Variants in RGS6 observed in about 807,000 individuals in gnomAD.
The protein encoded by RGS6 is regulator of G protein signaling 6.
RGS6 carries 30 observed loss-of-function variants against 78.5 expected under a neutral mutation model. That is an observed-to-expected ratio of 0.38 (90% CI 0.29 to 0.52). The LOEUF is 0.52. RGS6 is among the 20% of genes least tolerant of loss of function. The pLI, the probability that RGS6 is intolerant of heterozygous loss-of-function variation, is 0.85. For missense variants in RGS6, 495 were observed against 609.7 expected, an observed-to-expected ratio of 0.81 and a Z score of 1.98; for synonymous variants, 206 against 206.0, an observed-to-expected ratio of 1.00 and a Z score of 0.00.
intron 2 of RGS6, among the ~76,000 whole-genome samples, chr14:72,168,588 T>C (rs960805150): frequency 6.6e-6 from 1 of 152,198 alleles, no homozygotes; most frequent in Admixed American, 6.5e-5. Context: ...CACGGTAGTG[T>C]TTTGGATATA....
At chr14:72,355,590 A>G (rs1329979688) in intron 3 of RGS6, among the ~76,000 whole-genome samples, 2 of 152,238 alleles carry the variant, frequency 1.3e-5, no homozygotes, top group East Asian at 3.8e-4. Flanking sequence ...GAAACAGATA[A>G]AAAGTTCTAC....
chr14:72,318,106 C>G (rs4903011), intron 2 of RGS6, among the ~76,000 whole-genome samples: 8,379 of 152,256 alleles, frequency 0.055, 357 homozygotes, highest in East Asian at 0.27. Flanking sequence ...AACCAGAATT[C>G]AGCAGCGTGG....
At chr14:72,118,047 A>G (rs1370279889) in intron 2 of RGS6, among the ~76,000 whole-genome samples, 1 of 152,126 alleles carries the variant, frequency 6.6e-6, no homozygotes. Flanking sequence ...GCTTGAAAAT[A>G]TGGCACCATT....
the RGS6 span, among the ~76,000 whole-genome samples, chr14:71,883,495 C>T: frequency 0.099 from 15,130 of 152,154 alleles, 1,702 homozygotes; most frequent in African/African-American, 0.26. Flanking sequence ...CAGTGTGGCC[C>T]GGCCTTTGTC....
chr14:72,590,436 G>A, the RGS6 span, among the ~76,000 whole-genome samples: 1 of 152,208 alleles, frequency 6.6e-6, no homozygotes, highest in Non-Finnish European at 1.5e-5. Flanking sequence ...CGTTCATATA[G>A]TGGGATGTTA....
At chr14:72,360,210 C>A (rs1379804114) in intron 3 of RGS6, among the ~76,000 whole-genome samples, 3 of 151,978 alleles carry the variant, frequency 2.0e-5, no homozygotes, top group Non-Finnish European at 2.9e-5. Flanking sequence ...GAAACACATA[C>A]AATTTATTCA....
At chr14:72,305,338 G>T (rs533485991) in intron 2 of RGS6, among the ~76,000 whole-genome samples, 4 of 152,126 alleles carry the variant, frequency 2.6e-5, no homozygotes, top group Non-Finnish European at 4.4e-5. Flanking sequence ...TCCAGTCTGT[G>T]TAGGAGAATC....
At chr14:71,969,873 G>T (rs1178136267) in intron 2 of RGS6, among the ~76,000 whole-genome samples, 2 of 152,080 alleles carry the variant, frequency 1.3e-5, no homozygotes, top group African/African-American at 4.8e-5. Flanking sequence ...TCGTAAATTA[G>T]TACACTTCCC....
chr14:72,051,148 A>G (rs1461259410), intron 2 of RGS6, among the ~76,000 whole-genome samples: 1 of 152,132 alleles, frequency 6.6e-6, no homozygotes, highest in Non-Finnish European at 1.5e-5. Context: ...ACAGCCTCAA[A>G]TGCAGTGGGA....
intron 3 of RGS6, among the ~76,000 whole-genome samples, chr14:72,415,144 G>T (rs974378936): frequency 1.1e-4 from 16 of 152,256 alleles, no homozygotes; most frequent in Non-Finnish European, 1.6e-4. Context: ...AGAGGTGGAG[G>T]CTGCAGAGGC....
chr14:72,415,496 C>T (rs1014598659), intron 3 of RGS6, among the ~76,000 whole-genome samples: 8 of 152,260 alleles, frequency 5.3e-5, no homozygotes, highest in African/African-American at 9.6e-5. Flanking sequence ...CTGGATGAGG[C>T]GATGCCTCGC....
intron 3 of RGS6, among the ~76,000 whole-genome samples, chr14:72,391,270 C>A (rs2089918273): frequency 6.6e-6 from 1 of 151,124 alleles, no homozygotes; most frequent in South Asian, 2.1e-4. Context: ...GAAAAAAATT[C>A]AACACCATAT....
intron 2 of RGS6, among the ~76,000 whole-genome samples, chr14:72,203,007 T>C (rs1414999583): frequency 6.6e-6 from 1 of 152,038 alleles, no homozygotes; most frequent in East Asian, 1.9e-4. Context: ...CCTGAATAGC[T>C]GAGACTACAG....
intron 12 of RGS6, among the ~76,000 whole-genome samples, chr14:72,480,565 G>A (rs1339586801): frequency 6.6e-6 from 1 of 152,178 alleles, no homozygotes; most frequent in Non-Finnish European, 1.5e-5. Flanking sequence ...AATGCGACAC[G>A]AGGGTTTTTC....
At chr14:71,981,263 A>G (rs998345060) in intron 2 of RGS6, among the ~76,000 whole-genome samples, 100 of 152,108 alleles carry the variant, frequency 6.6e-4, no homozygotes, top group African/African-American at 1.9e-3. Context: ...CTCTCAGCTC[A>G]TCAAAGTCAT....
chr14:72,157,298 T>G (rs149682), intron 2 of RGS6, among the ~76,000 whole-genome samples: 15,309 of 151,588 alleles, frequency 0.1, 877 homozygotes, highest in East Asian at 0.28. Flanking sequence ...CCGTGGAGAG[T>G]GTTAGATGTC....
intron 3 of RGS6, among the ~76,000 whole-genome samples, chr14:72,400,646 G>A (rs1471975462): frequency 6.6e-6 from 1 of 152,168 alleles, no homozygotes; most frequent in African/African-American, 2.4e-5. Context: ...CCTCATAATT[G>A]TTCAGTATTG....
At chr14:71,946,971 G>A (rs556825064) in intron 1 of RGS6, among the ~76,000 whole-genome samples, 59 of 152,314 alleles carry the variant, frequency 3.9e-4, no homozygotes, top group African/African-American at 1.3e-3. Context: ...AGTAGATTAT[G>A]AGTGACATTT....
chr14:72,078,519 T>C (rs1423559593), intron 2 of RGS6, among the ~76,000 whole-genome samples: 4 of 152,162 alleles, frequency 2.6e-5, no homozygotes, highest in Non-Finnish European at 5.9e-5. Context: ...GTTCAAGTGA[T>C]TCTCCCGCCT....
Sources: allele counts gnomAD v4.1 joint callset (sites outside exome capture counted in the v4.1 genomes callset), GRCh38; gene constraint gnomAD v4.1.1; transcripts MANE v1.5; gene names NCBI Gene and HGNC (gene_info 2026-07-23, HGNC 2026-07-21).